The following ZNF532 variants were observed in gnomAD, a reference collection of about 807,000 sequenced individuals.
ZNF532 encodes the protein zinc finger protein 532.
In ZNF532, 22 loss-of-function variants were observed where a neutral mutation model predicts 89.3. That is an observed-to-expected ratio of 0.25 (90% confidence interval 0.18 to 0.35). ZNF532 has a LOEUF of 0.35. Among genes scored for constraint, ZNF532 ranks in the 10% least tolerant of loss-of-function variants. ZNF532 has a pLI of 1.00. For synonymous variants in ZNF532, 606 were observed against 649.6 expected, an observed-to-expected ratio of 0.93 and a Z score of 1.02; for missense variants, 1,132 against 1,643.4, an observed-to-expected ratio of 0.69 and a Z score of 5.38.
chr18:58,965,121 A>T (rs2065794245), intron 7 of ZNF532, among the ~76,000 whole-genome samples: 1 of 152,046 alleles, frequency 6.6e-6, no homozygotes, highest in African/African-American at 2.4e-5. Context: ...TGATTTAATA[A>T]GAACTTTTTT....
intron 2 of ZNF532, among the ~76,000 whole-genome samples, chr18:58,880,769 C>T (rs56794599): frequency 0.35 from 45,031 of 129,054 alleles, 7,580 homozygotes; most frequent in Middle Eastern, 0.51. Context: ...CGCACGCGCG[C>T]GCGTCTGTGT....
At chr18:58,891,573 T>TA (rs1364015764) in intron 2 of ZNF532, among the ~76,000 whole-genome samples, 5 of 152,264 alleles carry the variant, frequency 3.3e-5, no homozygotes, top group Admixed American at 2.0e-4. Flanking sequence ...TACGAACATT[T>TA]AAAAAAATCA....
rs58182199 is a variant in ZNF532 at position 58,957,406 on chromosome 18, C to CATATATATATAT, written c.3150+3625_3150+3636dup. Among the ~76,000 whole-genome samples, 497 of 138,838 alleles carry CATATATATATAT rather than the reference C, an allele frequency of 3.6e-3. 8 individuals are homozygous for CATATATATATAT. Among genetic ancestry groups the CATATATATATAT allele is most frequent in the East Asian group, 0.033 (144 of 4,334 alleles). 91.1% of individuals were successfully genotyped at this position (138,838 alleles called of 152,430 possible). On this transcript the variant is annotated intron_variant, in intron 7 of 9. Coordinates refer to ENST00000591808, the MANE Select transcript of ZNF532 (RefSeq NM_001375912.1). Reference sequence around the variant, plus strand: ...AGTATCATAATTATGACTTAAAATACATATATATATATATATATATATATA... The same window carrying CATATATATATAT: ...AGTATCATAATTATGACTTAAAATACATATATATATATATATATATATATATATATATATATA...
intron 7 of ZNF532, among the ~76,000 whole-genome samples, chr18:58,967,804 T>C (rs1456930764): frequency 6.6e-6 from 1 of 152,188 alleles, no homozygotes; most frequent in African/African-American, 2.4e-5. Context: ...TTTATTACTA[T>C]AGATTTGCAC....
chr18:58,978,061 C>T (rs995047676), intron 7 of ZNF532, among the ~76,000 whole-genome samples: 2 of 152,220 alleles, frequency 1.3e-5, no homozygotes, highest in African/African-American at 2.4e-5. Context: ...ATTTGTTTTA[C>T]GCCACTAATT....
intron 2 of ZNF532, among the ~76,000 whole-genome samples, chr18:58,916,044 T>A (rs761141750): frequency 6.6e-6 from 1 of 152,352 alleles, no homozygotes; most frequent in Non-Finnish European, 1.5e-5. Context: ...CAGTTAAAAA[T>A]CTACTTTTCA....
chr18:58,873,214 A>T (rs1308179226), intron 2 of ZNF532, among the ~76,000 whole-genome samples: 3 of 151,732 alleles, frequency 2.0e-5, no homozygotes, highest in African/African-American at 7.3e-5. Context: ...TAGAGAAGGG[A>T]TCTCTCTATG....
chr18:58,900,969 A>T (rs1356108313), intron 2 of ZNF532, among the ~76,000 whole-genome samples: 2 of 152,190 alleles, frequency 1.3e-5, no homozygotes, highest in Admixed American at 6.5e-5. Context: ...CCATCTTTGT[A>T]GGGTTTCAGG....
chr18:58,913,657 G>T (rs950817286), intron 2 of ZNF532, among the ~76,000 whole-genome samples: 2 of 152,012 alleles, frequency 1.3e-5, no homozygotes, highest in African/African-American at 2.4e-5. Flanking sequence ...GAATAAAAAA[G>T]ATACAATGAA....
rs750790894 is a variant in ZNF532, at chr18:58,920,484, A to G, written c.2197A>G (p.Ser733Gly). ...ITGTVISAPSSTPITPAMPLD... is the reference protein window; with the variant it reads ...ITGTVISAPSGTPITPAMPLD... ...TGGGACAGTCATATCGGCTCCTTCAAGCACTCCCATCACCCCAGCCATGCC... is the reference window on the plus strand; with the variant it reads ...TGGGACAGTCATATCGGCTCCTTCAGGCACTCCCATCACCCCAGCCATGCC... The change falls in exon 3 of 10, where the codon AGC becomes GGC. Residue 733 changes from serine (S) to glycine (G), a missense_variant. Physicochemically the swap from Ser to Gly is moderately conservative, Grantham distance 56. Around this residue, in one of 9 missense-constraint regions of ZNF532, gnomAD observed 100 missense variants for 122.0 expected, o/e 0.82. Transcript: ENST00000591808. 6.8e-6 allele frequency: 11 copies of G among 1,613,806 alleles called. No individual in the cohort carries two copies. The African/African-American group carries it at 8.0e-5, about 12-fold the overall frequency.
rs1292466168 is a variant in ZNF532 at position 58,888,808 on chromosome 18, T to A, written c.-18+23229T>A. On this transcript the variant is annotated intron_variant, in intron 2 of 9. Coordinates refer to ENST00000591808, the MANE Select transcript of ZNF532 (RefSeq NM_001375912.1). ...ATAAAATATATATAATTTATATATA[T>A]AAAAAATTATATATATAAATTATAT... Among the ~76,000 whole-genome samples, 13 of 47,818 alleles carry A rather than the reference T, an allele frequency of 2.7e-4. 1 individual carries two copies. The highest frequency in any genetic ancestry group is 3.7e-4 in the Non-Finnish European group (11 of 29,858). The allele number at this position is 47,818 out of a possible 152,430, so 31.4% of individuals were successfully genotyped here. A position where few individuals can be genotyped will look rare whatever the true frequency, so the allele number is the denominator to read the frequency against.
intron 2 of ZNF532, among the ~76,000 whole-genome samples, chr18:58,866,696 C>T (rs1380006281): frequency 6.6e-6 from 1 of 152,162 alleles, no homozygotes; most frequent in Non-Finnish European, 1.5e-5. Flanking sequence ...TGTGTGCTGG[C>T]AGTTGGTGGG....
At chr18:58,901,841 C>T (rs753260612) in intron 2 of ZNF532, among the ~76,000 whole-genome samples, 1 of 152,192 alleles carries the variant, frequency 6.6e-6, no homozygotes, top group African/African-American at 2.4e-5. Context: ...CCCCACCCTG[C>T]TCTCACAGCC....
intron 2 of ZNF532, among the ~76,000 whole-genome samples, chr18:58,896,836 G>A (rs760018426): frequency 6.6e-6 from 1 of 152,180 alleles, no homozygotes; most frequent in Non-Finnish European, 1.5e-5. Flanking sequence ...TAGACAGGAG[G>A]AAGATAGCCT....
chr18:58,986,302 A>G lies in ZNF532; in HGVS notation c.*1836A>G, dbSNP rs2068381486. 1 of 152,630 alleles carries G rather than the reference A, an allele frequency of 6.6e-6. No individual in the cohort carries two copies. The highest frequency in any genetic ancestry group is 1.5e-5 in the Non-Finnish European group (1 of 68,034). 9.5% of individuals were successfully genotyped at this position (152,630 alleles called of 1,614,324 possible). On this transcript the variant is annotated 3_prime_UTR_variant, in exon 10 of 10. Coordinates refer to ENST00000591808, the MANE Select transcript of ZNF532 (RefSeq NM_001375912.1). ...ATAGGTCCGAATAACCTAGTTTTAC[A>G]GTTGAGGGAGCTGAGCTCAGATTCA...
chr18:58,880,176 G>T (rs972079987), intron 2 of ZNF532, among the ~76,000 whole-genome samples: 51 of 152,186 alleles, frequency 3.4e-4, no homozygotes, highest in Non-Finnish European at 1.2e-4. Flanking sequence ...GAGCATAGCT[G>T]TCTGGCTCGA....
chr18:58,884,408 T>C (rs1354797531), intron 2 of ZNF532, among the ~76,000 whole-genome samples: 1 of 152,130 alleles, frequency 6.6e-6, no homozygotes, highest in Non-Finnish European at 1.5e-5. Context: ...ACAAAGTAAA[T>C]GAGAAGAAGC....
intron 2 of ZNF532, among the ~76,000 whole-genome samples, chr18:58,907,711 C>T (rs1482457791): frequency 6.6e-6 from 1 of 152,086 alleles, no homozygotes; most frequent in Admixed American, 6.5e-5. Flanking sequence ...CGTCTGCCTC[C>T]CAGGTCCTGA....
intron 2 of ZNF532, among the ~76,000 whole-genome samples, chr18:58,866,601 C>CCT (rs2056482678): frequency 1.3e-5 from 2 of 152,316 alleles, no homozygotes; most frequent in East Asian, 3.9e-4. Context: ...TTTTCCCCTA[C>CCT]TTCGAAGTGG....
Sources: gnomAD v4.1 joint callset for allele counts (sites outside exome capture counted in the v4.1 genomes callset) on GRCh38, gnomAD v4.1.1 for gene constraint, gnomAD v4.1.1 regional missense constraint, MANE v1.5 for transcripts, NCBI Gene and HGNC (gene_info 2026-07-23, HGNC 2026-07-21) for gene names.